TMEM44: variants seen among roughly 807,000 people sequenced by gnomAD.
The protein encoded by TMEM44 is transmembrane protein 44.
In TMEM44, 43 loss-of-function variants were observed where a neutral mutation model predicts 47.8. The observed-to-expected ratio is 0.90, with a 90% CI of 0.70 to 1.16. TMEM44 has a LOEUF of 1.16. Ranked by LOEUF, TMEM44 falls within the 50% of genes most tolerant of loss-of-function variation. The pLI is 0.00. For synonymous variants in TMEM44, 277 were observed against 238.8 expected (o/e 1.16, Z -1.48); for missense variants, 568 against 555.2 (o/e 1.02, Z -0.23).
At chr3:194,623,802 G>T (rs1356473188) in intron 3 of TMEM44, 107 bp from the exon 4 acceptor site, 1 of 1,439,500 alleles carries the variant, frequency 6.9e-7, no homozygotes, top group East Asian at 2.3e-5. Flanking sequence ...ATGCTGAAGC[G>T]GGTTCCCACA....
intron 6 of TMEM44, chr3:194,616,447 G>A (rs1454963496): frequency 2.5e-6 from 1 of 397,102 alleles, no homozygotes; most frequent in Non-Finnish European, 5.1e-6. Context: ...CAACAGCTGG[G>A]GTCCCTATAA....
intron 7 of TMEM44, among the ~76,000 whole-genome samples, chr3:194,613,089 G>T (rs1715496793): frequency 6.6e-6 from 1 of 152,202 alleles, no homozygotes; most frequent in Admixed American, 6.5e-5. Context: ...ATCAATAAAA[G>T]GAGACGCATT....
Position 194,588,597 on chromosome 3 carries a change from C to T in TMEM44, c.1219G>A (p.Val407Met). 2 of 1,614,218 alleles carry T rather than the reference C, an allele frequency of 1.2e-6. No homozygotes were observed. Among genetic ancestry groups the T allele is most frequent in the Admixed American group, 1.7e-5 (1 of 60,022 alleles). Residue 407 changes from valine to methionine, a missense_variant, in exon 10 of 10, where the codon GTG becomes ATG. Physicochemically the swap from Val to Met is conservative, Grantham distance 21. Transcript: ENST00000347147. ...DVNLEGSKENVELLGSQVHQD... is the reference protein window; with the variant it reads ...DVNLEGSKENMELLGSQVHQD... ...TGCACCTGGGATCCCAGTAGCTCCACATTTTCTTTGCTGCCTTCGAGGTTC... is the reference window on the plus strand; with the variant it reads ...TGCACCTGGGATCCCAGTAGCTCCATATTTTCTTTGCTGCCTTCGAGGTTC...
intron 1 of TMEM44, among the ~76,000 whole-genome samples, chr3:194,629,548 T>C (rs1048600573): frequency 1.3e-5 from 2 of 152,064 alleles, no homozygotes; most frequent in African/African-American, 2.4e-5. Flanking sequence ...TCGGCGTCAC[T>C]GATAGGGCCT....
rs538784087 is a variant in TMEM44, at chr3:194,625,267, C to T, written c.358+630G>A. 4.6e-5 allele frequency among the ~76,000 whole-genome samples: 7 copies of T among 152,272 alleles called. No individual in the cohort carries two copies. The East Asian group carries it at 7.7e-4, about 17-fold the overall frequency. On this transcript the variant is annotated intron_variant, in intron 3 of 9. Coordinates refer to ENST00000347147, the MANE Select transcript of TMEM44 (RefSeq NM_001011655.3). ...TGCCCTGCTCCACACCTCCTCCTAG[C>T]CTTTGCCCATGCTGCTCTGTGTGCC...
Position 194,589,898 on chromosome 3 carries a change from A to G in TMEM44, c.1177-1259T>C, listed in dbSNP as rs180726110. 4.6e-5 allele frequency: 7 copies of G among 152,138 alleles called. No homozygotes were observed. The East Asian group carries it at 1.4e-3, about 29-fold the overall frequency. 9.4% of individuals were successfully genotyped at this position (152,138 alleles called of 1,614,324 possible). Reference sequence around the variant, plus strand: ...GTGGTATTGGATCAGCAACGAGATAAGAAGATCTCTCCCATTTCCAAGCGT... The same window carrying G: ...GTGGTATTGGATCAGCAACGAGATAGGAAGATCTCTCCCATTTCCAAGCGT... On this transcript the variant is annotated intron_variant, in intron 9 of 9. Transcript: ENST00000347147.
At chr3:194,600,307 G>A (rs1229763825) in intron 9 of TMEM44, among the ~76,000 whole-genome samples, 1 of 151,672 alleles carries the variant, frequency 6.6e-6, no homozygotes, top group Non-Finnish European at 1.5e-5. Context: ...ATTTTTAGTA[G>A]AGACAGGGTT....
chr3:194,622,287 G>C (rs1031417866), intron 5 of TMEM44, among the ~76,000 whole-genome samples: 5 of 152,186 alleles, frequency 3.3e-5, no homozygotes, highest in African/African-American at 7.2e-5. Flanking sequence ...ACCACCCCAC[G>C]GTCTGGCAGT....
chr3:194,621,275 T>A (rs1348136543), intron 5 of TMEM44, among the ~76,000 whole-genome samples: 2 of 152,054 alleles, frequency 1.3e-5, no homozygotes, highest in Non-Finnish European at 2.9e-5. Context: ...CTGGAACAGA[T>A]CCTTCCCTGG....
chr3:194,606,874 AC>A (rs1247031946), intron 8 of TMEM44, among the ~76,000 whole-genome samples: 1 of 142,216 alleles, frequency 7.0e-6, no homozygotes, highest in East Asian at 2.2e-4. Context: ...AATCTCTTGA[AC>A]ACAGGAGGTG....
Position 194,611,772 on chromosome 3 carries a change from A to C in TMEM44, c.913-752T>G, listed in dbSNP as rs187615266. On this transcript the variant is annotated intron_variant, in intron 7 of 9. Coordinates refer to ENST00000347147, the MANE Select transcript of TMEM44 (RefSeq NM_001011655.3). The surrounding 1 kb of genome is among the most constrained non-coding windows in gnomAD (Gnocchi z 4.2). ...CGCGGTGGCTCACGCCTGTAATCCC[A>C]GCACTTTGGGAGGCCGAGGCAGGCC... Among the ~76,000 whole-genome samples the C allele has an allele frequency of 4.1e-4, 63 of 152,266 alleles. No homozygotes were observed. The highest frequency in any genetic ancestry group is 1.4e-3 in the African/African-American group (60 of 41,560).
At position 194,633,196 on chromosome 3, in the gene TMEM44, G is replaced by GGGCTGGGCGCCTCCCCCATGGCGC; in HGVS notation, c.-5_19dup (p.Ser6_Pro7insArgAlaMetGlyGluAlaProSer). The GGGCTGGGCGCCTCCCCCATGGCGC allele has an allele frequency of 6.7e-7, 1 of 1,500,566 alleles. No individual in the cohort carries two copies. The highest frequency in any genetic ancestry group is 8.9e-7 in the Non-Finnish European group (1 of 1,124,610). 93.0% of individuals were successfully genotyped at this position (1,500,566 alleles called of 1,614,324 possible). A position where few individuals can be genotyped will look rare whatever the true frequency, so the allele number is the denominator to read the frequency against. On this transcript the variant is annotated inframe_insertion, in exon 1 of 10. Transcript: ENST00000347147. Reference sequence around the variant, plus strand: ...GTCCCAGTCCCAGAGCGCGGGCGCGGGGCTGGGCGCCTCCCCCATGGCGCG... The same window carrying GGGCTGGGCGCCTCCCCCATGGCGC: ...GTCCCAGTCCCAGAGCGCGGGCGCGGGGCTGGGCGCCTCCCCCATGGCGCGGCTGGGCGCCTCCCCCATGGCGCG...
At chr3:194,588,807 A>C (rs77857298) in intron 9 of TMEM44, among the ~76,000 whole-genome samples, 168 bp from the exon 10 acceptor site, 6,522 of 152,238 alleles carry the variant, frequency 0.043, 204 homozygotes, top group South Asian at 0.11. Flanking sequence ...CTGGGACCTA[A>C]GGAGGCAAGC....
At chr3:194,605,618 C>T (rs1476123087) in intron 8 of TMEM44, among the ~76,000 whole-genome samples, 3 of 152,142 alleles carry the variant, frequency 2.0e-5, no homozygotes, top group East Asian at 3.8e-4. Context: ...GAGAACAGCA[C>T]GGGAAAGACT....
chr3:194,599,781 T>C (rs944670592), intron 9 of TMEM44, among the ~76,000 whole-genome samples: 3 of 151,142 alleles, frequency 2.0e-5, no homozygotes, highest in Non-Finnish European at 4.4e-5. Context: ...TTTTTTGAGA[T>C]GCAGTTTTGC....
intron 3 of TMEM44, among the ~76,000 whole-genome samples, chr3:194,624,959 T>G (rs532475795): frequency 6.6e-6 from 1 of 152,190 alleles, no homozygotes; most frequent in East Asian, 1.9e-4. Context: ...CAAAATGATC[T>G]GCTTGCCTCA....
chr3:194,624,277 C>T (rs982403080), intron 3 of TMEM44, among the ~76,000 whole-genome samples: 2 of 151,630 alleles, frequency 1.3e-5, no homozygotes, highest in Non-Finnish European at 2.9e-5. Context: ...GATCTCCCAC[C>T]TTGGCCTCAT....
intron 5 of TMEM44, chr3:194,622,567 T>A (rs1262743073): frequency 6.7e-6 from 1 of 150,258 alleles, no homozygotes; most frequent in Non-Finnish European, 1.5e-5. Flanking sequence ...TTTTTTTTTT[T>A]AGACGGAGTT....
intron 9 of TMEM44, among the ~76,000 whole-genome samples, chr3:194,602,917 A>G (rs1430331860): frequency 2.6e-5 from 4 of 152,290 alleles, no homozygotes; most frequent in Middle Eastern, 3.4e-3. Flanking sequence ...GCCAATTAAA[A>G]CCCAAACCAA....
Sources: gnomAD v4.1 joint callset for allele counts (sites outside exome capture counted in the v4.1 genomes callset) on GRCh38, gnomAD v4.1.1 for gene constraint, Gnocchi (gnomAD v3.1) non-coding constraint, MANE v1.5 for transcripts, NCBI Gene and HGNC (gene_info 2026-07-23, HGNC 2026-07-21) for gene names.